CNTNAP5: variants seen among roughly 807,000 people sequenced by gnomAD.
The protein encoded by CNTNAP5 is contactin-associated protein-like 5.
A neutral mutation model predicts 150.2 loss-of-function variants in CNTNAP5; 72 were observed. The observed-to-expected ratio is 0.48, with a 90% confidence interval of 0.40 to 0.58. The LOEUF (loss-of-function observed/expected upper bound fraction) is 0.58. CNTNAP5 is among the 20% of genes least tolerant of loss of function. CNTNAP5 has a pLI of 0.00. For synonymous variants in CNTNAP5, 672 were observed against 619.8 expected (o/e 1.08, Z -1.25); for missense variants, 1,636 against 1,626.2 (o/e 1.01, Z -0.10).
chr2:124,317,881 A>G (rs2104665351), intron 3 of CNTNAP5, among the ~76,000 whole-genome samples: 1 of 152,328 alleles, frequency 6.6e-6, no homozygotes, highest in Non-Finnish European at 1.5e-5. Context: ...AACTTTTGCT[A>G]GAGATGTGAA....
At chr2:124,046,958 AT>A (rs1333498366) in intron 1 of CNTNAP5, among the ~76,000 whole-genome samples, 5 of 152,260 alleles carry the variant, frequency 3.3e-5, no homozygotes, top group Admixed American at 2.6e-4. Context: ...ATTGTAAGAA[AT>A]TTCTTTGATA....
chr2:124,084,171 A>G (rs1682624263), intron 1 of CNTNAP5, among the ~76,000 whole-genome samples: 1 of 151,936 alleles, frequency 6.6e-6, no homozygotes, highest in Non-Finnish European at 1.5e-5. Flanking sequence ...ATATGTGTTC[A>G]TTGCTAGTAT....
intron 1 of CNTNAP5, among the ~76,000 whole-genome samples, chr2:124,059,562 A>T (rs1312503762): frequency 1.3e-5 from 2 of 152,116 alleles, no homozygotes; most frequent in Non-Finnish European, 2.9e-5. Flanking sequence ...AACCTGTAGC[A>T]GCCTTTGTCA....
intron 17 of CNTNAP5, among the ~76,000 whole-genome samples, chr2:124,783,247 A>G (rs1369542086): frequency 1.3e-5 from 2 of 152,178 alleles, no homozygotes; most frequent in African/African-American, 2.4e-5. Context: ...TTTGTTCTTG[A>G]ACACAAGAAA....
chr2:124,675,107 G>A (rs1678912198), intron 13 of CNTNAP5, among the ~76,000 whole-genome samples: 1 of 151,944 alleles, frequency 6.6e-6, no homozygotes, highest in South Asian at 2.1e-4. Context: ...TTGTGCATAT[G>A]TCTCATTACT....
chr2:124,787,339 T>C (rs1681620725), intron 17 of CNTNAP5, among the ~76,000 whole-genome samples: 1 of 152,242 alleles, frequency 6.6e-6, no homozygotes, highest in Admixed American at 6.5e-5. Context: ...TATGATCTGC[T>C]TGTGTTTATA....
intron 7 of CNTNAP5, among the ~76,000 whole-genome samples, chr2:124,495,250 T>C (rs1379733991): frequency 1.3e-5 from 2 of 152,192 alleles, no homozygotes; most frequent in Non-Finnish European, 2.9e-5. Context: ...ATAATGGTTC[T>C]CAGTGTGTAA....
chr2:124,686,506 G>A (rs1036317907), intron 13 of CNTNAP5, among the ~76,000 whole-genome samples: 34 of 152,168 alleles, frequency 2.2e-4, no homozygotes, highest in African/African-American at 5.1e-4. Flanking sequence ...ACCTGGTACC[G>A]GAGAGAGGGA....
intron 13 of CNTNAP5, among the ~76,000 whole-genome samples, chr2:124,668,878 T>G (rs4848966): frequency 0.23 from 34,352 of 152,044 alleles, 4,120 homozygotes; most frequent in African/African-American, 0.3. Context: ...GGTTAGGAAG[T>G]GCTAGGGCAC....
In CNTNAP5 at chr2:124,027,496, T is replaced by C. The variant is rs540380499; in HGVS notation, c.82+1764T>C. On this transcript the variant is annotated intron_variant, in intron 1 of 23. Transcript: ENST00000682447. Reference sequence around the variant, plus strand: ...ACGCATATGGCTGTGGACTTTCTAATGCAACACCTTTTCTTAAGAGCCAAT... The same window carrying C: ...ACGCATATGGCTGTGGACTTTCTAACGCAACACCTTTTCTTAAGAGCCAAT... 3.9e-4 allele frequency among the ~76,000 whole-genome samples: 59 copies of C among 152,358 alleles called. 1 individual carries two copies. Among genetic ancestry groups the C allele is most frequent in the Admixed American group, 2.7e-3 (41 of 15,302 alleles).
At chr2:124,296,595 G>C (rs1479866520) in intron 3 of CNTNAP5, among the ~76,000 whole-genome samples, 2 of 152,226 alleles carry the variant, frequency 1.3e-5, no homozygotes, top group East Asian at 3.9e-4. Context: ...TGTCATTCAT[G>C]CTTTTGAAAG....
chr2:124,837,101 A>G (rs1385721050), intron 19 of CNTNAP5, among the ~76,000 whole-genome samples: 4 of 151,894 alleles, frequency 2.6e-5, no homozygotes, highest in African/African-American at 9.7e-5. Context: ...GAGGGACAGG[A>G]ATGTATAAAG....
At chr2:124,863,017 T>G (rs1019781483) in intron 19 of CNTNAP5, among the ~76,000 whole-genome samples, 1 of 152,146 alleles carries the variant, frequency 6.6e-6, no homozygotes, top group Non-Finnish European at 1.5e-5. Flanking sequence ...CTGCTGAGAT[T>G]ACTAGGTCCT....
intron 1 of CNTNAP5, among the ~76,000 whole-genome samples, chr2:124,197,971 T>C (rs1240168050): frequency 7.5e-6 from 1 of 133,508 alleles, no homozygotes; most frequent in East Asian, 2.2e-4. Context: ...ACAGAGACTC[T>C]GTCTCAAAAA....
intron 11 of CNTNAP5, among the ~76,000 whole-genome samples, chr2:124,579,346 A>C (rs1696360817): frequency 6.6e-6 from 1 of 152,254 alleles, no homozygotes; most frequent in South Asian, 2.1e-4. Context: ...GCTAAATAAT[A>C]GAATTGCTCT....
intron 7 of CNTNAP5, among the ~76,000 whole-genome samples, chr2:124,479,632 G>A (rs780389753): frequency 7.2e-5 from 11 of 152,250 alleles, no homozygotes; most frequent in African/African-American, 2.6e-4. Context: ...TTGGATGGGC[G>A]ATGGCCAATA....
At chr2:124,868,805 C>T (rs993043983) in intron 20 of CNTNAP5, among the ~76,000 whole-genome samples, 2 of 152,048 alleles carry the variant, frequency 1.3e-5, no homozygotes, top group Non-Finnish European at 2.9e-5. Context: ...AGGCACATGG[C>T]TAATGGGATC....
At chr2:124,195,374 G>T (rs553621053) in intron 1 of CNTNAP5, among the ~76,000 whole-genome samples, 1 of 152,252 alleles carries the variant, frequency 6.6e-6, no homozygotes, top group South Asian at 2.1e-4. Flanking sequence ...ACCCCCTTGC[G>T]CAGGGGGCTG....
intron 19 of CNTNAP5, among the ~76,000 whole-genome samples, chr2:124,858,299 A>G (rs10211466): frequency 0.11 from 16,877 of 152,190 alleles, 2,963 homozygotes; most frequent in African/African-American, 0.37. Flanking sequence ...TGTATATCTA[A>G]AACACCCCAT....
Sources: allele counts gnomAD v4.1 joint callset (sites outside exome capture counted in the v4.1 genomes callset), GRCh38; gene constraint gnomAD v4.1.1; transcripts MANE v1.5; gene names NCBI Gene and HGNC (gene_info 2026-07-23, HGNC 2026-07-21).